MYO5C: variants seen among roughly 807,000 people sequenced by gnomAD.
MYO5C encodes myosin VC, also known as unconventional myosin-Vc.
MYO5C carries 194 observed loss-of-function variants against 235.7 expected under a neutral mutation model. That is an observed-to-expected ratio of 0.82 (90% confidence interval 0.73 to 0.93). The LOEUF is 0.93. MYO5C is among the 40% of genes least tolerant of loss of function. The pLI, the probability that MYO5C is intolerant of heterozygous loss-of-function variation, is 0.00. For missense variants in MYO5C, 2,038 were observed against 2,127.2 expected (o/e 0.96, Z 0.82); for synonymous variants, 707 against 754.8 (o/e 0.94, Z 1.04).
At chr15:52,246,841 T>A (rs1360281401) in intron 16 of MYO5C, 76 bp downstream of exon 16, 4 of 1,212,614 alleles carry the variant, frequency 3.3e-6, no homozygotes, top group Non-Finnish European at 3.6e-6. Context: ...TCAAGACAAT[T>A]GGAAGCAAAT....
At chr15:52,294,115 G>T (rs1263465373) in intron 1 of MYO5C, among the ~76,000 whole-genome samples, 1 of 152,222 alleles carries the variant, frequency 6.6e-6, no homozygotes, top group Non-Finnish European at 1.5e-5. Flanking sequence ...ATTGTGCCTG[G>T]TACTTACTAG....
At chr15:52,264,573 C>A (rs1384834686) in intron 8 of MYO5C, among the ~76,000 whole-genome samples, 1 of 152,212 alleles carries the variant, frequency 6.6e-6, no homozygotes, top group African/African-American at 2.4e-5. Context: ...ACATTAGGTT[C>A]CTCGGAGAGT....
intron 23 of MYO5C, among the ~76,000 whole-genome samples, chr15:52,232,994 T>C (rs2035999408): frequency 1.9e-5 from 1 of 51,690 alleles, no homozygotes; most frequent in Admixed American, 2.0e-4. Context: ...TAAAAATAAA[T>C]AGAGGCCGGG....
intron 9 of MYO5C, among the ~76,000 whole-genome samples, chr15:52,263,657 C>G (rs2036740000): frequency 6.6e-6 from 1 of 152,132 alleles, no homozygotes. Context: ...TGCTGTTCTT[C>G]CCCCATCCAC....
chr15:52,277,834 C>T (rs924409340), intron 4 of MYO5C: 10 of 454,984 alleles, frequency 2.2e-5, no homozygotes, highest in African/African-American at 8.0e-5. Context: ...GAAAGCAGCA[C>T]GTGTTCTACC....
At chr15:52,211,967 G>T (rs1596144004) in intron 34 of MYO5C, 83 bp from the exon 35 acceptor site, 2 of 1,459,374 alleles carry the variant, frequency 1.4e-6, no homozygotes, top group Admixed American at 2.1e-5. Context: ...GCAGGGGCTT[G>T]TTTGCTTTTC....
At chr15:52,279,058 C>A in intron 3 of MYO5C, 41 bp from the exon 4 acceptor site, 2 of 1,561,158 alleles carry the variant, frequency 1.3e-6, no homozygotes, top group East Asian at 4.5e-5. Flanking sequence ...ACTCTTACTG[C>A]CACCTGCATC....
chr15:52,286,283 C>A (rs1267339332), intron 1 of MYO5C, among the ~76,000 whole-genome samples: 1 of 150,884 alleles, frequency 6.6e-6, no homozygotes, highest in South Asian at 2.1e-4. Context: ...GTCAGCCCCC[C>A]GCCCGGCCAG....
intron 3 of MYO5C, 64 bp downstream of exon 3, chr15:52,279,445 A>G: frequency 1.3e-6 from 2 of 1,527,066 alleles, no homozygotes; most frequent in East Asian, 4.6e-5. Flanking sequence ...AACAACCAGG[A>G]GGCTCTAGAC....
intron 1 of MYO5C, among the ~76,000 whole-genome samples, chr15:52,285,926 G>A (rs1418731666): frequency 1.3e-5 from 2 of 152,048 alleles, no homozygotes; most frequent in Admixed American, 6.5e-5. Context: ...CTGTCTGGCC[G>A]CCATCCCATC....
chr15:52,238,899 C>T (rs2036150079), intron 21 of MYO5C, among the ~76,000 whole-genome samples: 1 of 151,730 alleles, frequency 6.6e-6, no homozygotes, highest in Non-Finnish European at 1.5e-5. Context: ...CCTCAGCCTC[C>T]CAAAGTGCTG....
intron 5 of MYO5C, among the ~76,000 whole-genome samples, chr15:52,274,880 C>A (rs1289777429): frequency 6.6e-6 from 1 of 152,190 alleles, no homozygotes; most frequent in Non-Finnish European, 1.5e-5. Context: ...GTCTAATATT[C>A]TTAATTTTTT....
chr15:52,245,525 A>C (rs973714512), intron 17 of MYO5C, 60 bp from the exon 18 acceptor site: 3 of 1,180,458 alleles, frequency 2.5e-6, no homozygotes, highest in Admixed American at 1.7e-5. Flanking sequence ...GTGTCTGGGG[A>C]CTCCGCTGCC....
chr15:52,270,881 T>C (rs1370815209), intron 7 of MYO5C, among the ~76,000 whole-genome samples: 1 of 152,124 alleles, frequency 6.6e-6, no homozygotes. Flanking sequence ...GAGTGTGAGT[T>C]CAACTCCAAC....
intron 32 of MYO5C, among the ~76,000 whole-genome samples, chr15:52,215,520 G>C (rs966953436): frequency 6.6e-6 from 1 of 152,178 alleles, no homozygotes; most frequent in Non-Finnish European, 1.5e-5. Flanking sequence ...ACATTGTGCT[G>C]TTTCTACTCT....
chr15:52,247,104 T>C, intron 15 of MYO5C, 90 bp from the exon 16 acceptor site: 2 of 1,129,908 alleles, frequency 1.8e-6, no homozygotes, highest in African/African-American at 1.6e-5. Context: ...GTTAAGTTAC[T>C]CAATAGGAAG....
At chr15:52,249,617 C>T (rs1348607070) in intron 13 of MYO5C, among the ~76,000 whole-genome samples, 4 of 152,072 alleles carry the variant, frequency 2.6e-5, no homozygotes, top group African/African-American at 7.2e-5. Context: ...CCAGGAACAC[C>T]GGCTGTTTGC....
chr15:52,269,693 A>AT, intron 8 of MYO5C, 60 bp downstream of exon 8: 5 of 1,092,288 alleles, frequency 4.6e-6, no homozygotes, highest in African/African-American at 1.6e-5. Context: ...GCCTGGCCTT[A>AT]ATTTTTTTTT....
At chr15:52,276,443 A>G (rs2037053277) in intron 4 of MYO5C, among the ~76,000 whole-genome samples, 1 of 152,260 alleles carries the variant, frequency 6.6e-6, no homozygotes, top group South Asian at 2.1e-4. Flanking sequence ...GAAGCTCATT[A>G]GAGATGCAGT....
Sources: allele counts gnomAD v4.1 joint callset (sites outside exome capture counted in the v4.1 genomes callset), GRCh38; gene constraint gnomAD v4.1.1; transcripts MANE v1.5; gene names NCBI Gene and HGNC (gene_info 2026-07-23, HGNC 2026-07-21).